Variants in KCNMB2 observed in about 807,000 individuals in gnomAD.
The protein encoded by KCNMB2 is calcium-activated potassium channel subunit beta-2.
In KCNMB2, 9 loss-of-function variants were observed where a neutral mutation model predicts 24.5. The observed-to-expected ratio is 0.37, with a 90% CI of 0.22 to 0.64. The LOEUF (loss-of-function observed/expected upper bound fraction) is 0.64. Among genes scored for constraint, KCNMB2 ranks in the 30% least tolerant of loss-of-function variants. The pLI, the probability that KCNMB2 is intolerant of heterozygous loss-of-function variation, is 0.63. For missense variants in KCNMB2, 226 were observed against 284.3 expected (o/e 0.79, Z 1.47); for synonymous variants, 109 against 104.4 (o/e 1.04, Z -0.27).
chr3:178,843,021 C>A lies in KCNMB2; in HGVS notation c.*84C>A. Reference sequence around the variant, plus strand: ...TCACCAAAGAACCTTAAGTTTGTAACGTGCAGTCTGTTATGAGTTCCCTAA... The same window carrying A: ...TCACCAAAGAACCTTAAGTTTGTAAAGTGCAGTCTGTTATGAGTTCCCTAA... On this transcript the variant is annotated 3_prime_UTR_variant, in exon 5 of 5. Coordinates refer to ENST00000452583, the MANE Select transcript of KCNMB2 (RefSeq NM_181361.3). 8.5e-7 allele frequency: 1 copy of A among 1,176,900 alleles called. No homozygotes were observed. Among genetic ancestry groups the A allele is most frequent in the Non-Finnish European group, 1.2e-6 (1 of 832,364 alleles). The allele number at this position is 1,176,900 out of a possible 1,614,324, so 72.9% of individuals were successfully genotyped here.
chr3:178,693,949 T>C (rs1377627789), intron 1 of KCNMB2, among the ~76,000 whole-genome samples: 2 of 151,878 alleles, frequency 1.3e-5, no homozygotes, highest in African/African-American at 4.8e-5. Context: ...GAGCTCATTA[T>C]TGGTCTTTTC....
chr3:178,737,545 G>A (rs1003030314), intron 1 of KCNMB2, among the ~76,000 whole-genome samples: 5 of 152,120 alleles, frequency 3.3e-5, no homozygotes, highest in Admixed American at 3.3e-4. Context: ...TTTAAAACTT[G>A]TCTATAATAT....
At chr3:178,607,628 CGTGTGTGTGT>C (rs143508589) in intron 1 of KCNMB2, among the ~76,000 whole-genome samples, 1 of 147,272 alleles carries the variant, frequency 6.8e-6, no homozygotes, top group South Asian at 2.2e-4. Context: ...ATTGTGCATG[CGTGTGTGTGT>C]GTGTGTGTGT....
intron 1 of KCNMB2, among the ~76,000 whole-genome samples, chr3:178,655,307 A>G (rs1720294689): frequency 6.6e-6 from 1 of 152,294 alleles, no homozygotes; most frequent in African/African-American, 2.4e-5. Context: ...GTAAGAGTTT[A>G]CCCAAATTCA....
chr3:178,609,622 A>G (rs1186118366), intron 1 of KCNMB2, among the ~76,000 whole-genome samples: 2 of 151,802 alleles, frequency 1.3e-5, no homozygotes, highest in African/African-American at 2.4e-5. Flanking sequence ...GATCTTAGAT[A>G]TAAGTCTTTA....
chr3:178,656,799 G>C (rs1453433125), intron 1 of KCNMB2, among the ~76,000 whole-genome samples: 7 of 151,918 alleles, frequency 4.6e-5, no homozygotes, highest in Non-Finnish European at 1.0e-4. Context: ...AAGGAATGCT[G>C]TACTCATTTT....
At chr3:178,826,655 C>T (rs1016552168) in intron 3 of KCNMB2, among the ~76,000 whole-genome samples, 27 of 152,244 alleles carry the variant, frequency 1.8e-4, no homozygotes, top group African/African-American at 6.5e-4. Context: ...GAAACAAGAC[C>T]TTTTCAAATG....
intron 1 of KCNMB2, among the ~76,000 whole-genome samples, chr3:178,584,653 A>G (rs915934710): frequency 1.3e-5 from 2 of 152,206 alleles, no homozygotes; most frequent in Non-Finnish European, 2.9e-5. Context: ...GAGGAAAAAT[A>G]AAGCCTATTT....
At chr3:178,840,221 C>T (rs753171488) in intron 4 of KCNMB2, among the ~76,000 whole-genome samples, 3 of 152,198 alleles carry the variant, frequency 2.0e-5, no homozygotes, top group Non-Finnish European at 2.9e-5. Flanking sequence ...GTCTCACATT[C>T]GGGGCACACT....
intron 1 of KCNMB2, among the ~76,000 whole-genome samples, chr3:178,783,423 AG>A (rs1169150487): frequency 2.0e-5 from 3 of 151,410 alleles, no homozygotes; most frequent in Admixed American, 6.6e-5. Flanking sequence ...CCTACCCAGG[AG>A]CATGGAATGT....
At chr3:178,545,666 A>C (rs1715749697) in intron 1 of KCNMB2, among the ~76,000 whole-genome samples, 1 of 152,224 alleles carries the variant, frequency 6.6e-6, no homozygotes. Flanking sequence ...TGAAAATTTT[A>C]GACTATATGA....
At chr3:178,736,114 T>C (rs1723308343) in intron 1 of KCNMB2, among the ~76,000 whole-genome samples, 1 of 152,174 alleles carries the variant, frequency 6.6e-6, no homozygotes, top group Non-Finnish European at 1.5e-5. Context: ...AGAGCTAGGC[T>C]GCAAACCCAA....
chr3:178,773,639 C>T (rs1210075312), intron 1 of KCNMB2, among the ~76,000 whole-genome samples: 2 of 152,158 alleles, frequency 1.3e-5, no homozygotes, highest in Non-Finnish European at 2.9e-5. Flanking sequence ...GACTCCAGAT[C>T]CATATTCTTT....
At chr3:178,617,940 C>T (rs1718773397) in intron 1 of KCNMB2, among the ~76,000 whole-genome samples, 1 of 147,594 alleles carries the variant, frequency 6.8e-6, no homozygotes, top group Admixed American at 6.7e-5. Context: ...TCGTCCTTCA[C>T]ATTAAGAAAA....
At position 178,733,301 on chromosome 3, in the gene KCNMB2, A is replaced by G. The variant is rs181022580; in HGVS notation, c.-67-74042A>G. ...TACTCCAAGCACAGCAAGGAAGCCA[A>G]TGTGGCTGGAGTAGAGTGAGCTGGG... On this transcript the variant is annotated intron_variant, in intron 1 of 4. Coordinates refer to ENST00000452583, the MANE Select transcript of KCNMB2 (RefSeq NM_181361.3). 2.7e-3 allele frequency among the ~76,000 whole-genome samples: 410 copies of G among 152,266 alleles called. 6 individuals are homozygous for G. Among genetic ancestry groups the G allele is most frequent in the Admixed American group, 0.024 (364 of 15,298 alleles).
At chr3:178,687,352 T>C (rs897470530) in intron 1 of KCNMB2, among the ~76,000 whole-genome samples, 7 of 152,166 alleles carry the variant, frequency 4.6e-5, no homozygotes, top group African/African-American at 1.7e-4. Flanking sequence ...AGTTTCCTCA[T>C]TGAGTCTCAT....
At chr3:178,758,449 CAA>C (rs1257554160) in intron 1 of KCNMB2, among the ~76,000 whole-genome samples, 6 of 59,192 alleles carry the variant, frequency 1.0e-4, no homozygotes, top group Admixed American at 6.7e-4. Context: ...TATACACACA[CAA>C]GAGGTGATAT....
At chr3:178,733,425 A>C (rs57911321) in intron 1 of KCNMB2, among the ~76,000 whole-genome samples, 21,295 of 152,184 alleles carry the variant, frequency 0.14, 1,843 homozygotes, top group Non-Finnish European at 0.18. Flanking sequence ...ATAGGCAGCC[A>C]ATGGAAAGTT....
At chr3:178,656,122 A>T (rs1298734354) in intron 1 of KCNMB2, among the ~76,000 whole-genome samples, 2 of 152,214 alleles carry the variant, frequency 1.3e-5, no homozygotes, top group Non-Finnish European at 2.9e-5. Flanking sequence ...ACCTATCAAT[A>T]TGACCTAGGA....
Sources: allele counts gnomAD v4.1 joint callset (sites outside exome capture counted in the v4.1 genomes callset), GRCh38; gene constraint gnomAD v4.1.1; transcripts MANE v1.5; gene names NCBI Gene and HGNC (gene_info 2026-07-23, HGNC 2026-07-21).